The following ACTN4 variants were observed in gnomAD, a reference collection of about 807,000 sequenced individuals.
The protein encoded by ACTN4 is alpha-actinin-4.
Under a neutral mutation model 114.2 loss-of-function variants are expected in ACTN4, and 18 were observed. That is an observed-to-expected ratio of 0.16 (90% CI 0.11 to 0.23). ACTN4 has a LOEUF of 0.23. ACTN4 is among the 10% of genes least tolerant of loss of function. The pLI is 1.00. For synonymous variants in ACTN4, 515 were observed against 506.3 expected, an observed-to-expected ratio of 1.02 and a Z score of -0.23; for missense variants, 722 against 1,262.9, an observed-to-expected ratio of 0.57 and a Z score of 6.49.
chr19:38,707,089 A>T (rs8105216), intron 5 of ACTN4, among the ~76,000 whole-genome samples: 4 of 152,122 alleles, frequency 2.6e-5, no homozygotes, highest in Non-Finnish European at 2.9e-5. Context: ...CAGCGGCCTC[A>T]GGCTCTCTGG....
intron 1 of ACTN4, among the ~76,000 whole-genome samples, chr19:38,658,350 T>C (rs1349651503): frequency 6.6e-6 from 1 of 152,226 alleles, no homozygotes; most frequent in Non-Finnish European, 1.5e-5. Flanking sequence ...CTGTATCTTT[T>C]GCCTACTTCC....
chr19:38,653,498 C>T (rs544730293), intron 1 of ACTN4, among the ~76,000 whole-genome samples: 30 of 151,740 alleles, frequency 2.0e-4, no homozygotes, highest in African/African-American at 7.3e-4. Flanking sequence ...TAGTGAACAG[C>T]TGTTTGCTCT....
intron 13 of ACTN4, 99 bp downstream of exon 13, chr19:38,723,821 C>T: frequency 6.8e-7 from 1 of 1,463,612 alleles, no homozygotes; most frequent in East Asian, 2.4e-5. Context: ...CCCCCACCTC[C>T]CACGGAGAGG....
chr19:38,705,929 T>C, intron 4 of ACTN4, 115 bp from the exon 5 acceptor site: 1 of 971,736 alleles, frequency 1.0e-6, no homozygotes, highest in South Asian at 1.3e-5. Flanking sequence ...ACAGATATCC[T>C]CTCCCCTTGG....
chr19:38,647,971 G>T, intron 1 of ACTN4, 64 bp downstream of exon 1: 2 of 1,378,870 alleles, frequency 1.5e-6, no homozygotes, highest in Non-Finnish European at 1.9e-6. Flanking sequence ...GGAGGGGTGG[G>T]AGGTCCTGAA....
intron 9 of ACTN4, among the ~76,000 whole-genome samples, chr19:38,715,192 T>C (rs911190377): frequency 6.6e-6 from 1 of 152,186 alleles, no homozygotes; most frequent in Non-Finnish European, 1.5e-5. Flanking sequence ...TTTTGAAATC[T>C]CCATATTTAA....
chr19:38,658,142 G>GT (rs1294861897), intron 1 of ACTN4, among the ~76,000 whole-genome samples: 1 of 152,200 alleles, frequency 6.6e-6, no homozygotes, highest in Non-Finnish European at 1.5e-5. Context: ...AAGGCCCTCT[G>GT]TCCTCGGGGC....
At chr19:38,684,545 C>T (rs1264970098) in intron 1 of ACTN4, among the ~76,000 whole-genome samples, 1 of 152,208 alleles carries the variant, frequency 6.6e-6, no homozygotes, top group East Asian at 1.9e-4. Flanking sequence ...ATACCCACAC[C>T]GCTCCTGGAG....
At position 38,688,270 on chromosome 19, in the gene ACTN4, C is replaced by T. The variant is rs189763831; in HGVS notation, c.163-12330C>T. On this transcript the variant is annotated intron_variant, in intron 1 of 20. Transcript: ENST00000252699. ...AGAGAATTAAAATAAAAAATTAGGC[C>T]GGGTATGGTGGCTCATGCCTGTAAT... is the stretch of plus-strand genomic sequence containing the variant. 1.6e-3 allele frequency among the ~76,000 whole-genome samples: 243 copies of T among 150,210 alleles called. 2 individuals carry two copies. Among genetic ancestry groups the T allele is most frequent in the African/African-American group, 5.7e-3 (234 of 40,830 alleles).
chr19:38,674,441 A>C (rs1967310864), intron 1 of ACTN4, among the ~76,000 whole-genome samples: 1 of 152,194 alleles, frequency 6.6e-6, no homozygotes, highest in South Asian at 2.1e-4. Context: ...TGTTTTAGGT[A>C]CTGGGTGTAC....
rs1184124509 is a variant in ACTN4 at position 38,729,835 on chromosome 19, G to GTCCAGGAAC, written c.*405_*413dup. On this transcript the variant is annotated 3_prime_UTR_variant, in exon 21 of 21. Coordinates refer to ENST00000252699, the MANE Select transcript of ACTN4 (RefSeq NM_004924.6). Reference sequence around the variant, plus strand: ...TCCAGGCCAAAGCCCCATGTGCCTTGTCCAGGAACTGCCTGGGCCATGCGA... The same window carrying GTCCAGGAAC: ...TCCAGGCCAAAGCCCCATGTGCCTTGTCCAGGAACTCCAGGAACTGCCTGGGCCATGCGA... 2.1e-5 allele frequency: 8 copies of GTCCAGGAAC among 385,472 alleles called. No individual in the cohort carries two copies. 23.9% of individuals were successfully genotyped at this position (385,472 alleles called of 1,614,324 possible).
chr19:38,729,809 A>G lies in ACTN4; in HGVS notation c.*377A>G, dbSNP rs1382548771. On this transcript the variant is annotated 3_prime_UTR_variant, in exon 21 of 21. Coordinates refer to ENST00000252699, the MANE Select transcript of ACTN4 (RefSeq NM_004924.6). ...CTGAGGTCCCTTCAAGGCCTCCCCA[A>G]TCCAGGCCAAAGCCCCATGTGCCTT... 8 of 421,866 alleles carry G rather than the reference A, an allele frequency of 1.9e-5. No individual in the cohort carries two copies. The highest frequency in any genetic ancestry group is 2.8e-5 in the Non-Finnish European group (6 of 214,484). The allele number at this position is 421,866 out of a possible 1,614,324, so 26.1% of individuals were successfully genotyped here. A position where few individuals can be genotyped will look rare whatever the true frequency, so the allele number is the denominator to read the frequency against.
chr19:38,690,317 C>G (rs1027771613), intron 1 of ACTN4, among the ~76,000 whole-genome samples: 1 of 152,236 alleles, frequency 6.6e-6, no homozygotes, highest in Non-Finnish European at 1.5e-5. Context: ...ACTTCCACCC[C>G]TCCGGATCCA....
chr19:38,655,653 C>G (rs1342812007), intron 1 of ACTN4, among the ~76,000 whole-genome samples: 3 of 152,090 alleles, frequency 2.0e-5, no homozygotes, highest in Admixed American at 1.3e-4. Context: ...CTTGATTCAT[C>G]TTCAGTTTCA....
intron 1 of ACTN4, among the ~76,000 whole-genome samples, chr19:38,690,214 C>T (rs949995135): frequency 1.3e-5 from 2 of 152,206 alleles, no homozygotes; most frequent in Non-Finnish European, 2.9e-5. Flanking sequence ...CTTGCAACTG[C>T]ACACTCTTCT....
chr19:38,731,240 T>G lies in ACTN4; in HGVS notation c.*1808T>G. The G allele has an allele frequency of 6.2e-7, 1 of 1,606,858 alleles. No homozygotes were observed. Among genetic ancestry groups the G allele is most frequent in the Non-Finnish European group, 8.5e-7 (1 of 1,175,606 alleles). ...GGTGGAAGCCTAGGGGGAGGCTGCT[T>G]CTGAGCCCAGTGGCCCACAGGGAAC... On this transcript the variant is annotated 3_prime_UTR_variant, in exon 21 of 21. Coordinates refer to ENST00000252699, the MANE Select transcript of ACTN4 (RefSeq NM_004924.6).
chr19:38,688,942 G>T (rs1315285574), intron 1 of ACTN4, among the ~76,000 whole-genome samples: 2 of 152,160 alleles, frequency 1.3e-5, no homozygotes, highest in African/African-American at 2.4e-5. Context: ...TAGAGACGGG[G>T]TTTCACCATG....
At chr19:38,702,735 A>G (rs537039504) in intron 3 of ACTN4, among the ~76,000 whole-genome samples, 46 of 152,266 alleles carry the variant, frequency 3.0e-4, no homozygotes. Flanking sequence ...GTCTCTGGGC[A>G]GCAGAATGAG....
intron 11 of ACTN4, among the ~76,000 whole-genome samples, chr19:38,719,700 T>C (rs886435320): frequency 6.6e-6 from 1 of 152,260 alleles, no homozygotes; most frequent in Non-Finnish European, 1.5e-5. Flanking sequence ...CCAGCCGTCC[T>C]TATCCATGGA....
Sources: gnomAD v4.1 joint callset for allele counts (sites outside exome capture counted in the v4.1 genomes callset) on GRCh38, gnomAD v4.1.1 for gene constraint, MANE v1.5 for transcripts, NCBI Gene and HGNC (gene_info 2026-07-23, HGNC 2026-07-21) for gene names.